Variants in ESYT2 observed in about 807,000 individuals in gnomAD.
ESYT2 encodes the protein extended synaptotagmin-2.
A neutral mutation model predicts 107.2 loss-of-function variants in ESYT2; 54 were observed. The observed-to-expected ratio is 0.50, with a 90% CI of 0.40 to 0.63. The LOEUF (loss-of-function observed/expected upper bound fraction) is 0.63, where lower values mean the gene tolerates loss of function less well. ESYT2 is among the 30% of genes least tolerant of loss of function. ESYT2 has a pLI of 0.00. For synonymous variants in ESYT2, 491 were observed against 434.1 expected (o/e 1.13, Z -1.63); for missense variants, 1,020 against 1,094.5 (o/e 0.93, Z 0.96).
At chr7:158,753,504 G>C (rs1837650966) in intron 13 of ESYT2, among the ~76,000 whole-genome samples, 1 of 151,718 alleles carries the variant, frequency 6.6e-6, no homozygotes, top group African/African-American at 2.4e-5. Flanking sequence ...GAGTTGTTTT[G>C]CAAGCTCCTT....
At position 158,771,992 on chromosome 7, in the gene ESYT2, G is replaced by A. The variant is rs377398772; in HGVS notation, c.803+1349C>T. ...AAAAATTAGCCAGGTGTGGTGGCGC[G>A]CACCTGTAATCCCAGCTACTTGGGA... On this transcript the variant is annotated intron_variant, in intron 7 of 22. Transcript: ENST00000275418. Among the ~76,000 whole-genome samples, 35 of 151,860 alleles carry A rather than the reference G, an allele frequency of 2.3e-4. No homozygotes were observed. The South Asian group carries it at 4.4e-3, about 19-fold the overall frequency.
At chr7:158,774,529 ATATT>A (rs1838481539) in intron 6 of ESYT2, among the ~76,000 whole-genome samples, 1 of 152,198 alleles carries the variant, frequency 6.6e-6, no homozygotes. Flanking sequence ...TCATATGAAT[ATATT>A]TATAAACACT....
intron 11 of ESYT2, among the ~76,000 whole-genome samples, chr7:158,760,483 C>T (rs1465496657): frequency 6.6e-6 from 1 of 152,176 alleles, no homozygotes; most frequent in South Asian, 2.1e-4. Flanking sequence ...TACCTAGAGA[C>T]AGTAAAGTCT....
intron 6 of ESYT2, among the ~76,000 whole-genome samples, chr7:158,782,213 G>A (rs1271931799): frequency 7.3e-6 from 1 of 136,940 alleles, no homozygotes; most frequent in Non-Finnish European, 1.6e-5. Flanking sequence ...GTGTGAACGT[G>A]TGAGAACAGA....
chr7:158,799,630 T>C (rs547583776), intron 1 of ESYT2, among the ~76,000 whole-genome samples: 1 of 152,272 alleles, frequency 6.6e-6, no homozygotes, highest in East Asian at 1.9e-4. Flanking sequence ...TGAGACTCCA[T>C]AAAATAAAGT....
Position 158,797,942 on chromosome 7 carries a change from C to T in ESYT2, c.507G>A (p.Gln169=). 1.2e-6 allele frequency: 2 copies of T among 1,613,852 alleles called. No homozygotes were observed. Among genetic ancestry groups the T allele is most frequent in the Non-Finnish European group, 1.7e-6 (2 of 1,179,854 alleles). The part of the protein sequence containing the change: ...FSFTKVDVGQ[Q]PLRINGVKVY... ...TGAGGATACTTAAGAGAACACTGAC[C>T]TGCTGGCCCACGTCGACCTTCGTGA... is the stretch of plus-strand genomic sequence containing the variant. Residue 169 remains glutamine (Q), a splice_region_variant and synonymous_variant, in exon 3 of 23, where the codon CAG becomes CAA. Transcript: ENST00000275418.
intron 1 of ESYT2, among the ~76,000 whole-genome samples, chr7:158,821,613 C>T (rs936795320): frequency 6.6e-6 from 1 of 152,258 alleles, no homozygotes; most frequent in African/African-American, 2.4e-5. Context: ...CCTGGGCCAG[C>T]CATCCAGAAG....
chr7:158,775,770 T>C (rs1838540622), intron 6 of ESYT2, among the ~76,000 whole-genome samples: 2 of 152,322 alleles, frequency 1.3e-5, no homozygotes, highest in African/African-American at 2.4e-5. Context: ...TTAATATTCA[T>C]ATTTTGTCTC....
intron 1 of ESYT2, among the ~76,000 whole-genome samples, chr7:158,824,453 G>C (rs1397777579): frequency 2.6e-5 from 4 of 152,192 alleles, no homozygotes; most frequent in African/African-American, 9.7e-5. Context: ...CTTTACATGA[G>C]ATCACAGTGC....
intron 4 of ESYT2, among the ~76,000 whole-genome samples, chr7:158,792,625 A>C (rs1190228129): frequency 2.6e-5 from 4 of 151,562 alleles, no homozygotes; most frequent in South Asian, 4.2e-4. Flanking sequence ...GGTGCCCTTT[A>C]TTTCTTTCTC....
chr7:158,813,165 A>G (rs1029686120), intron 1 of ESYT2, among the ~76,000 whole-genome samples: 1 of 152,264 alleles, frequency 6.6e-6, no homozygotes. Context: ...TAGGTGAAAT[A>G]AACCAATCTG....
chr7:158,822,265 T>G (rs570452736), intron 1 of ESYT2, among the ~76,000 whole-genome samples: 1 of 152,318 alleles, frequency 6.6e-6, no homozygotes, highest in East Asian at 1.9e-4. Context: ...ATGTACCCAG[T>G]ATGAAACAAA....
chr7:158,770,735 T>C (rs1838334891), intron 7 of ESYT2, among the ~76,000 whole-genome samples: 1 of 152,064 alleles, frequency 6.6e-6, no homozygotes, highest in African/African-American at 2.4e-5. Flanking sequence ...CAGGATGGTC[T>C]CGATCTCCTG....
chr7:158,816,919 C>T (rs909076893), intron 1 of ESYT2, among the ~76,000 whole-genome samples: 1 of 152,166 alleles, frequency 6.6e-6, no homozygotes, highest in African/African-American at 2.4e-5. Flanking sequence ...TTAATGTAGA[C>T]GGTGTTAACA....
chr7:158,741,781 C>A lies in ESYT2; in HGVS notation c.1910G>T (p.Gly637Val). 6.2e-7 allele frequency: 1 copy of A among 1,613,950 alleles called. No individual in the cohort carries two copies. Among genetic ancestry groups the A allele is most frequent in the Non-Finnish European group, 8.5e-7 (1 of 1,179,994 alleles). Residue 637 changes from glycine (G) to valine (V), a missense_variant, in exon 18 of 23, where the codon GGG (glycine) becomes GTG (valine). Gly to Val is a moderately radical substitution (Grantham distance 109). Transcript: ENST00000275418. The part of the protein sequence containing the change: ...RKTSIKSHMS[G>V]SPGPGGSNTA... ...GTTGCTGCCACCAGGGCCTGGAGAC[C>A]CAGACATATGAGATTTGATGGATGT...
At position 158,809,474 on chromosome 7, in the gene ESYT2, C is replaced by CAAAAA. The variant is rs67422901; in HGVS notation, c.331-10407_331-10403dup. Among the ~76,000 whole-genome samples the CAAAAA allele has an allele frequency of 2.4e-3, 117 of 49,680 alleles. 8 individuals carry two copies. Among genetic ancestry groups the CAAAAA allele is most frequent in the African/African-American group, 9.4e-3 (103 of 10,924 alleles). 32.6% of individuals were successfully genotyped at this position (49,680 alleles called of 152,430 possible). ...CTGGCTACAGAGTAAGAATCCATCT[C>CAAAAA]AAAAAAAAAAAAAAAAAAAAAAACC... On this transcript the variant is annotated intron_variant, in intron 1 of 22. Transcript: ENST00000275418.
chr7:158,782,921 C>CT (rs1838965817), intron 6 of ESYT2, among the ~76,000 whole-genome samples: 1 of 152,186 alleles, frequency 6.6e-6, no homozygotes, highest in Admixed American at 6.5e-5. Context: ...AAAGCCCAGT[C>CT]TGAGGTCCAC....
At chr7:158,792,287 G>T (rs2129473370) in intron 4 of ESYT2, among the ~76,000 whole-genome samples, 1 of 151,340 alleles carries the variant, frequency 6.6e-6, no homozygotes, top group East Asian at 1.9e-4. Context: ...GCTTCGGGAG[G>T]CCAAGGTGAG....
In ESYT2 at chr7:158,788,368, T is replaced by C. The variant is rs1368374624; in HGVS notation, c.634A>G (p.Arg212Gly). ...ACCTGGATACTTTTCACACCAGCTC[T>C]ACAAAAATATCGTTTGATCTCCAAA... ...IDLEIKRYFC[R>G]AGVKSIQIHG... is the part of the protein sequence containing the mutation. The change falls in exon 5 of 23, where the codon AGA becomes GGA. Residue 212 changes from arginine to glycine, a missense_variant. Transcript: ENST00000275418. 6.2e-7 allele frequency: 1 copy of C among 1,611,366 alleles called. No homozygotes were observed. The highest frequency in any genetic ancestry group is 8.5e-7 in the Non-Finnish European group (1 of 1,179,310).
Sources: allele counts gnomAD v4.1 joint callset (sites outside exome capture counted in the v4.1 genomes callset), GRCh38; gene constraint gnomAD v4.1.1; transcripts MANE v1.5; gene names NCBI Gene and HGNC (gene_info 2026-07-23, HGNC 2026-07-21).